Variants in TMEM181 observed in about 807,000 individuals in gnomAD.
TMEM181 encodes transmembrane protein 181.
A neutral mutation model predicts 71.9 loss-of-function variants in TMEM181; 39 were observed. The observed-to-expected ratio is 0.54, with a 90% confidence interval of 0.42 to 0.71. The LOEUF is 0.71. TMEM181 is among the 30% of genes least tolerant of loss of function. The probability of loss-of-function intolerance (pLI) is 0.00; values close to 1 mark genes in which losing one functional copy is unlikely to be tolerated. For missense variants in TMEM181, 595 were observed against 583.0 expected, an observed-to-expected ratio of 1.02 and a Z score of -0.21; for synonymous variants, 245 against 228.8, an observed-to-expected ratio of 1.07 and a Z score of -0.64.
intron 1 of TMEM181, among the ~76,000 whole-genome samples, chr6:158,541,756 A>G (rs1045674020): frequency 1.6e-4 from 24 of 152,222 alleles, no homozygotes; most frequent in Admixed American, 5.9e-4. Flanking sequence ...TGATGTAAGC[A>G]TATCAGAGGG....
At position 158,584,965 on chromosome 6, in the gene TMEM181, T is replaced by C. The variant is rs536870916; in HGVS notation, c.260-339T>C. On this transcript the variant is annotated intron_variant, in intron 4 of 16. Coordinates refer to ENST00000684151, the MANE Select transcript of TMEM181 (RefSeq NM_001376852.1). ...GAAGAAATAAGAAATCTATTTCTAT[T>C]TTTGGTATAGAATTTGGTAAGTTAA... Among the ~76,000 whole-genome samples the C allele has an allele frequency of 3.9e-5, 6 of 152,290 alleles. No homozygotes were observed. In the South Asian group the frequency reaches 1.2e-3, roughly 32 times the overall value.
chr6:158,547,822 A>G (rs1314046041), intron 1 of TMEM181, among the ~76,000 whole-genome samples: 1 of 146,158 alleles, frequency 6.8e-6, no homozygotes, highest in Non-Finnish European at 1.5e-5. Context: ...AGGCCCCAGA[A>G]GTTGCGGTGA....
At chr6:158,610,635 A>G (rs1785244373) in intron 10 of TMEM181, 2 of 317,626 alleles carry the variant, frequency 6.3e-6, no homozygotes, top group African/African-American at 4.4e-5. Flanking sequence ...CTTCTGGAGA[A>G]GTGAAATGAG....
chr6:158,632,910 A>AT lies in TMEM181; in HGVS notation c.*1025dup, dbSNP rs1375697291. The stretch of plus-strand genomic sequence containing the variant: ...CAGGGAGACCCCGTCTCTATAAAAC[A>AT]TTTAGAAAGTTGGCTGGGCATGCTG... On this transcript the variant is annotated 3_prime_UTR_variant, in exon 17 of 17. Coordinates refer to ENST00000684151, the MANE Select transcript of TMEM181 (RefSeq NM_001376852.1). 6.6e-6 allele frequency: 1 copy of AT among 152,184 alleles called. No individual in the cohort carries two copies. Among genetic ancestry groups the AT allele is most frequent in the Non-Finnish European group, 1.5e-5 (1 of 68,078 alleles). 9.4% of individuals were successfully genotyped at this position (152,184 alleles called of 1,614,324 possible).
At chr6:158,589,256 T>A (rs756922668) in intron 5 of TMEM181, among the ~76,000 whole-genome samples, 1 of 152,202 alleles carries the variant, frequency 6.6e-6, no homozygotes, top group Non-Finnish European at 1.5e-5. Flanking sequence ...TAATTCACTC[T>A]GTTCATTATT....
At chr6:158,603,967 G>A (rs547177075) in intron 6 of TMEM181, among the ~76,000 whole-genome samples, 36 of 152,302 alleles carry the variant, frequency 2.4e-4, no homozygotes, top group African/African-American at 7.9e-4. Context: ...TTTCAACATT[G>A]CTAGGTGGGG....
chr6:158,579,001 G>A (rs373297181), intron 2 of TMEM181, among the ~76,000 whole-genome samples: 7 of 152,224 alleles, frequency 4.6e-5, no homozygotes, highest in African/African-American at 1.7e-4. Context: ...GCTCATGCCT[G>A]TAATCCCAGC....
At chr6:158,540,396 G>A (rs537886375) in intron 1 of TMEM181, among the ~76,000 whole-genome samples, 3 of 152,220 alleles carry the variant, frequency 2.0e-5, no homozygotes, top group Admixed American at 2.0e-4. Context: ...CATACATGGG[G>A]CCATCAGAAG....
chr6:158,560,072 C>G (rs1782065321), upstream of TMEM181: 1 of 985,192 alleles, frequency 1.0e-6, no homozygotes, highest in African/African-American at 1.7e-5. Context: ...CGCACGTGAT[C>G]TCGGCGTCGC....
intron 10 of TMEM181, among the ~76,000 whole-genome samples, chr6:158,621,236 C>T (rs1156700418): frequency 6.6e-6 from 1 of 152,168 alleles, no homozygotes; most frequent in African/African-American, 2.4e-5. Context: ...CTGTCTGTGC[C>T]CAGCTGTGTT....
intron 2 of TMEM181, among the ~76,000 whole-genome samples, chr6:158,576,780 C>T (rs1431776294): frequency 1.3e-5 from 2 of 151,952 alleles, no homozygotes; most frequent in African/African-American, 4.8e-5. Flanking sequence ...GGTCACAAGG[C>T]GGCCGGGCGT....
At chr6:158,618,647 GT>G (rs1331608345) in intron 10 of TMEM181, among the ~76,000 whole-genome samples, 1 of 152,146 alleles carries the variant, frequency 6.6e-6, no homozygotes, top group Non-Finnish European at 1.5e-5. Flanking sequence ...TCCTTTCCAT[GT>G]TTAGTGCTTC....
In TMEM181 at chr6:158,629,142, C is replaced by T. The variant is rs1187024231; in HGVS notation, c.1193-588C>T. Reference sequence around the variant, plus strand: ...AGAGGTTAGGTATGTGCTTTCCACTCTTTGTTGGGGACACTTCAAGAGTTA... The same window carrying T: ...AGAGGTTAGGTATGTGCTTTCCACTTTTTGTTGGGGACACTTCAAGAGTTA... On this transcript the variant is annotated intron_variant, in intron 14 of 16. Transcript: ENST00000684151. Among the ~76,000 whole-genome samples, 6 of 152,186 alleles carry T rather than the reference C, an allele frequency of 3.9e-5. 1 individual carries two copies. The highest frequency in any genetic ancestry group is 2.1e-4 in the South Asian group (1 of 4,832).
chr6:158,547,030 C>T (rs1206983603), intron 1 of TMEM181, among the ~76,000 whole-genome samples: 1 of 152,020 alleles, frequency 6.6e-6, no homozygotes, highest in Non-Finnish European at 1.5e-5. Flanking sequence ...GCCTGTAATC[C>T]CAGCACTTTG....
chr6:158,585,219 A>G (rs368561026), intron 4 of TMEM181, 85 bp from the exon 5 acceptor site: 1 of 1,431,712 alleles, frequency 7.0e-7, no homozygotes, highest in Admixed American at 2.6e-5. Flanking sequence ...TCCTGGCTCC[A>G]AGGTCATTAC....
intron 2 of TMEM181, among the ~76,000 whole-genome samples, chr6:158,575,805 C>T (rs928848952): frequency 6.6e-6 from 1 of 152,208 alleles, no homozygotes; most frequent in Admixed American, 6.5e-5. Flanking sequence ...AGAAATGTTA[C>T]TGCCTTGTAT....
intron 2 of TMEM181, among the ~76,000 whole-genome samples, chr6:158,580,346 A>G (rs143775599): frequency 3.2e-3 from 492 of 152,226 alleles, no homozygotes; most frequent in African/African-American, 0.011. Flanking sequence ...TAAGATGTCA[A>G]GTTCTTGGAT....
At chr6:158,547,769 C>G (rs994413766) in intron 1 of TMEM181, among the ~76,000 whole-genome samples, 12 of 151,962 alleles carry the variant, frequency 7.9e-5, no homozygotes, top group Admixed American at 2.0e-4. Flanking sequence ...TGCCCCCGGG[C>G]CACTGGTCCC....
At chr6:158,594,921 A>G (rs890250178) in intron 6 of TMEM181, among the ~76,000 whole-genome samples, 1 of 152,188 alleles carries the variant, frequency 6.6e-6, no homozygotes, top group African/African-American at 2.4e-5. Flanking sequence ...TCCTGACCTC[A>G]GGTTATCCAG....
Sources: gnomAD v4.1 joint callset for allele counts (sites outside exome capture counted in the v4.1 genomes callset) on GRCh38, gnomAD v4.1.1 for gene constraint, MANE v1.5 for transcripts, NCBI Gene and HGNC (gene_info 2026-07-23, HGNC 2026-07-21) for gene names.